LUZP2: variants seen among roughly 807,000 people sequenced by gnomAD.
LUZP2 encodes leucine zipper protein 2.
In LUZP2, 52 loss-of-function variants were observed where a neutral mutation model predicts 51.6. That is an observed-to-expected ratio of 1.01 (90% CI 0.81 to 1.27). LUZP2 has a LOEUF of 1.27. Ranked by LOEUF, LUZP2 falls within the 50% of genes most tolerant of loss-of-function variation. LUZP2 has a pLI of 0.00. For missense variants in LUZP2, 436 were observed against 395.4 expected, an observed-to-expected ratio of 1.10 and a Z score of -0.87; for synonymous variants, 154 against 137.3, an observed-to-expected ratio of 1.12 and a Z score of -0.85.
chr11:24,620,728 C>T (rs1435010774), intron 1 of LUZP2, among the ~76,000 whole-genome samples: 2 of 152,154 alleles, frequency 1.3e-5, no homozygotes, highest in African/African-American at 2.4e-5. Context: ...TAAGTACATG[C>T]TCCAGAATGG....
intron 2 of LUZP2, among the ~76,000 whole-genome samples, chr11:24,729,901 A>G (rs990462293): frequency 5.3e-5 from 8 of 151,964 alleles, no homozygotes; most frequent in Middle Eastern, 3.4e-3. Flanking sequence ...GGTAGATCCT[A>G]TTGTGACATC....
intron 5 of LUZP2, among the ~76,000 whole-genome samples, chr11:24,900,629 T>C (rs1293532143): frequency 6.6e-6 from 1 of 152,222 alleles, no homozygotes. Flanking sequence ...TTAAGCAGAC[T>C]GTATCCTACA....
chr11:24,985,441 C>G (rs537079385), intron 9 of LUZP2, among the ~76,000 whole-genome samples: 102 of 151,650 alleles, frequency 6.7e-4, no homozygotes, highest in African/African-American at 2.4e-3. Flanking sequence ...AGGTAGAAAC[C>G]AGGGGATCTG....
At chr11:24,802,617 A>G (rs1388132725) in intron 5 of LUZP2, among the ~76,000 whole-genome samples, 2 of 151,920 alleles carry the variant, frequency 1.3e-5, no homozygotes, top group Admixed American at 6.6e-5. Context: ...CATCTTGTAA[A>G]ACTGAAACTC....
At chr11:24,782,245 A>G (rs1849115737) in intron 5 of LUZP2, among the ~76,000 whole-genome samples, 2 of 152,080 alleles carry the variant, frequency 1.3e-5, no homozygotes, top group Non-Finnish European at 2.9e-5. Context: ...GGAAGTTTTC[A>G]AGAGTAACCT....
At chr11:24,875,735 C>G (rs1168695961) in intron 5 of LUZP2, among the ~76,000 whole-genome samples, 1 of 152,000 alleles carries the variant, frequency 6.6e-6, no homozygotes, top group Non-Finnish European at 1.5e-5. Context: ...TAAAAGTGTT[C>G]CTATTTCTCC....
chr11:24,976,784 T>C, intron 8 of LUZP2, 119 bp downstream of exon 8: 1 of 551,308 alleles, frequency 1.8e-6, no homozygotes, highest in Non-Finnish European at 2.9e-6. Context: ...CTAGATGCTG[T>C]GTATATAAGA....
rs114508231 is a variant in LUZP2 at position 24,926,942 on chromosome 11, A to G, written c.522+12404A>G. ...TTTTGATTATGACCATTCTTGCAGG[A>G]ATAAAGTAGTATCACAGTATCACAT... On this transcript the variant is annotated intron_variant, in intron 7 of 11. Transcript: ENST00000336930. 3.2e-3 allele frequency among the ~76,000 whole-genome samples: 487 copies of G among 151,884 alleles called. 3 individuals are homozygous for G. The highest frequency in any genetic ancestry group is 0.011 in the African/African-American group (449 of 41,482).
At chr11:24,909,996 T>C (rs1853573903) in intron 6 of LUZP2, among the ~76,000 whole-genome samples, 1 of 152,166 alleles carries the variant, frequency 6.6e-6, no homozygotes, top group Non-Finnish European at 1.5e-5. Context: ...GATAATGATA[T>C]GGACAATGAA....
chr11:24,840,324 G>T (rs1242498019), intron 5 of LUZP2, among the ~76,000 whole-genome samples: 1 of 151,842 alleles, frequency 6.6e-6, no homozygotes, highest in African/African-American at 2.4e-5. Context: ...ACTAGAAAGA[G>T]GCATAGCCTT....
intron 9 of LUZP2, among the ~76,000 whole-genome samples, chr11:25,014,188 T>C (rs1233303876): frequency 6.6e-6 from 1 of 152,206 alleles, no homozygotes; most frequent in African/African-American, 2.4e-5. Flanking sequence ...TTTGCTATTG[T>C]GAATAGTGCC....
At chr11:24,953,027 A>G (rs1477367924) in intron 7 of LUZP2, among the ~76,000 whole-genome samples, 1 of 151,944 alleles carries the variant, frequency 6.6e-6, no homozygotes, top group Non-Finnish European at 1.5e-5. Context: ...AAAATAACAA[A>G]AAAGTCTGTC....
At chr11:24,561,569 G>A (rs10767213) in intron 1 of LUZP2, among the ~76,000 whole-genome samples, 63,371 of 151,732 alleles carry the variant, frequency 0.42, 13,759 homozygotes, top group African/African-American at 0.51. Flanking sequence ...CCAGAACAGA[G>A]AACCAAACAC....
At chr11:24,743,703 C>A (rs1859272273) in intron 4 of LUZP2, among the ~76,000 whole-genome samples, 1 of 152,010 alleles carries the variant, frequency 6.6e-6, no homozygotes, top group African/African-American at 2.4e-5. Flanking sequence ...TCTGATTGCT[C>A]TGGATAGGAC....
chr11:24,959,768 G>C (rs1590775719), intron 7 of LUZP2, among the ~76,000 whole-genome samples: 1 of 151,998 alleles, frequency 6.6e-6, no homozygotes, highest in East Asian at 1.9e-4. Flanking sequence ...AATTGCCCTG[G>C]CCAGAACTTC....
chr11:24,616,048 C>T (rs867026395), intron 1 of LUZP2, among the ~76,000 whole-genome samples: 69 of 150,666 alleles, frequency 4.6e-4, no homozygotes, highest in African/African-American at 1.7e-3. Context: ...GTTTTGAGAG[C>T]TCTTTATATA....
chr11:24,834,222 T>C (rs1375023955), intron 5 of LUZP2, among the ~76,000 whole-genome samples: 1 of 152,174 alleles, frequency 6.6e-6, no homozygotes, highest in Admixed American at 6.5e-5. Flanking sequence ...ATTAGGTATT[T>C]GTCCTAATGT....
intron 9 of LUZP2, among the ~76,000 whole-genome samples, chr11:24,997,766 GTC>G: frequency 6.6e-6 from 1 of 152,310 alleles, no homozygotes; most frequent in Admixed American, 6.5e-5. Flanking sequence ...TGACATTTAA[GTC>G]TTTAATCCAT....
intron 9 of LUZP2, among the ~76,000 whole-genome samples, chr11:24,996,808 C>T (rs577441253): frequency 6.6e-6 from 1 of 152,034 alleles, no homozygotes; most frequent in South Asian, 2.1e-4. Flanking sequence ...GTGATGTTCC[C>T]CTTCCTGTGT....
Sources: allele counts gnomAD v4.1 joint callset (sites outside exome capture counted in the v4.1 genomes callset), GRCh38; gene constraint gnomAD v4.1.1; transcripts MANE v1.5; gene names NCBI Gene and HGNC (gene_info 2026-07-23, HGNC 2026-07-21).